The following CDH12 variants were observed in gnomAD, a reference collection of about 807,000 sequenced individuals.
CDH12 encodes cadherin-12.
A neutral mutation model predicts 74.1 loss-of-function variants in CDH12; 41 were observed. The observed-to-expected ratio is 0.55, with a 90% CI of 0.43 to 0.72. CDH12 has a LOEUF of 0.72. Among genes scored for constraint, CDH12 ranks in the 30% least tolerant of loss-of-function variants. CDH12 has a pLI of 0.00. For synonymous variants in CDH12, 399 were observed against 355.0 expected (o/e 1.12, Z -1.39); for missense variants, 945 against 977.2 (o/e 0.97, Z 0.44).
chr5:22,394,799 T>A (rs1244843911), intron 3 of CDH12, among the ~76,000 whole-genome samples: 3 of 152,156 alleles, frequency 2.0e-5, no homozygotes, highest in Non-Finnish European at 4.4e-5. Context: ...TGCCTCAAGA[T>A]GAATCATATC....
intron 3 of CDH12, among the ~76,000 whole-genome samples, chr5:22,257,972 T>C (rs1470719182): frequency 6.6e-6 from 1 of 152,060 alleles, no homozygotes; most frequent in Non-Finnish European, 1.5e-5. Context: ...AAAGTAAAAA[T>C]GTTACAGTAA....
At chr5:21,967,429 T>A (rs1404032624) in intron 6 of CDH12, among the ~76,000 whole-genome samples, 1 of 152,190 alleles carries the variant, frequency 6.6e-6, no homozygotes, top group Non-Finnish European at 1.5e-5. Flanking sequence ...ACATATTTAA[T>A]GTTTACAACC....
intron 1 of CDH12, among the ~76,000 whole-genome samples, chr5:22,844,841 C>T (rs994046687): frequency 3.9e-5 from 6 of 152,042 alleles, no homozygotes; most frequent in African/African-American, 1.4e-4. Context: ...CTGAAGAGAG[C>T]TACTGAATTA....
intron 3 of CDH12, among the ~76,000 whole-genome samples, chr5:22,248,345 C>T (rs2150385764): frequency 6.6e-6 from 1 of 151,952 alleles, no homozygotes; most frequent in African/African-American, 2.4e-5. Context: ...ATCACATTTT[C>T]CCATTTTGGA....
chr5:22,576,324 A>C (rs1397978122), intron 1 of CDH12, among the ~76,000 whole-genome samples: 3 of 151,968 alleles, frequency 2.0e-5, no homozygotes, highest in Admixed American at 6.6e-5. Context: ...TACTTCCCAA[A>C]CCCTACCCTG....
rs568858652 is a variant in CDH12 at position 21,992,998 on chromosome 5, G to A, written c.232-17613C>T. Among the ~76,000 whole-genome samples the A allele has an allele frequency of 1.2e-3, 184 of 152,164 alleles. No individual in the cohort carries two copies. The Middle Eastern group carries it at 0.014, about 11-fold the overall frequency. ...AGAGAGAGAGATAGCCAGGGGTGAA[G>A]TGCCACAATTTAATACCATCAGATC... On this transcript the variant is annotated intron_variant, in intron 5 of 14. Coordinates refer to ENST00000382254, the MANE Select transcript of CDH12 (RefSeq NM_004061.5).
intron 2 of CDH12, among the ~76,000 whole-genome samples, chr5:22,438,683 C>T (rs1744504454): frequency 6.6e-6 from 1 of 151,876 alleles, no homozygotes; most frequent in Non-Finnish European, 1.5e-5. Context: ...CAGAATTTTC[C>T]CATCTTTGCA....
intron 1 of CDH12, among the ~76,000 whole-genome samples, chr5:22,822,365 A>G (rs1021481328): frequency 7.9e-5 from 12 of 152,130 alleles, no homozygotes; most frequent in Non-Finnish European, 1.5e-4. Flanking sequence ...TGGCAACAAA[A>G]GCCAAAATTG....
intron 6 of CDH12, among the ~76,000 whole-genome samples, chr5:21,945,257 T>C (rs1036922662): frequency 9.9e-5 from 15 of 151,586 alleles, no homozygotes; most frequent in African/African-American, 3.6e-4. Flanking sequence ...AAACCCCGCC[T>C]CTACTAAAAA....
chr5:22,077,773 A>C (rs965830175), intron 5 of CDH12, among the ~76,000 whole-genome samples: 1 of 152,176 alleles, frequency 6.6e-6, no homozygotes, highest in Non-Finnish European at 1.5e-5. Context: ...GAAAAAAATT[A>C]AATTTCCATA....
At chr5:22,176,206 T>C (rs1167366130) in intron 4 of CDH12, among the ~76,000 whole-genome samples, 1 of 151,946 alleles carries the variant, frequency 6.6e-6, no homozygotes, top group East Asian at 1.9e-4. Flanking sequence ...ACTTTGTATA[T>C]CTGAATGCAG....
intron 2 of CDH12, among the ~76,000 whole-genome samples, chr5:22,499,490 T>C (rs1305559972): frequency 1.3e-5 from 2 of 152,042 alleles, no homozygotes; most frequent in African/African-American, 4.8e-5. Flanking sequence ...AGAAAACAGG[T>C]CAAGAAAAAC....
intron 1 of CDH12, among the ~76,000 whole-genome samples, chr5:22,532,424 A>G (rs1384002405): frequency 1.9e-4 from 26 of 134,558 alleles, no homozygotes; most frequent in African/African-American, 5.5e-5. Flanking sequence ...ACAGTACCTA[A>G]TAAGAAAAAT....
chr5:22,461,133 T>C (rs1745500637), intron 2 of CDH12, among the ~76,000 whole-genome samples: 1 of 145,690 alleles, frequency 6.9e-6, no homozygotes, highest in South Asian at 2.2e-4. Flanking sequence ...GTTCAAGCGA[T>C]TCTCCTGCCT....
intron 6 of CDH12, chr5:21,882,515 T>C (rs560340670): frequency 1.2e-6 from 1 of 827,944 alleles, no homozygotes; most frequent in Non-Finnish European, 2.1e-6. Flanking sequence ...AGTGATATAT[T>C]AGCACTCTGT....
At chr5:21,897,550 T>C (rs1199288417) in intron 6 of CDH12, among the ~76,000 whole-genome samples, 1 of 152,196 alleles carries the variant, frequency 6.6e-6, no homozygotes, top group Non-Finnish European at 1.5e-5. Flanking sequence ...AAAATGAAAC[T>C]GACAGGATTA....
At chr5:22,657,129 A>G (rs1740086281) in intron 1 of CDH12, among the ~76,000 whole-genome samples, 1 of 152,226 alleles carries the variant, frequency 6.6e-6, no homozygotes, top group African/African-American at 2.4e-5. Flanking sequence ...ATGTAGATTA[A>G]ACTATTAAGT....
intron 1 of CDH12, among the ~76,000 whole-genome samples, chr5:22,535,551 A>G (rs1250700816): frequency 3.3e-5 from 5 of 152,228 alleles, no homozygotes. Flanking sequence ...CAAAGCATGT[A>G]TTCTTAATAT....
intron 11 of CDH12, among the ~76,000 whole-genome samples, chr5:21,781,142 G>A (rs1278545203): frequency 1.3e-5 from 2 of 152,114 alleles, no homozygotes; most frequent in Admixed American, 6.6e-5. Flanking sequence ...AACCTATAAC[G>A]CACCTGTTTT....
Sources: gnomAD v4.1 joint callset for allele counts (sites outside exome capture counted in the v4.1 genomes callset) on GRCh38, gnomAD v4.1.1 for gene constraint, MANE v1.5 for transcripts, NCBI Gene and HGNC (gene_info 2026-07-23, HGNC 2026-07-21) for gene names.